The following TRIM5 variants were observed in gnomAD, a reference collection of about 807,000 sequenced individuals.
TRIM5 encodes tripartite motif-containing protein 5.
In TRIM5, 31 loss-of-function variants were observed where a neutral mutation model predicts 35.6. That is an observed-to-expected ratio of 0.87 (90% CI 0.65 to 1.18). TRIM5 has a LOEUF of 1.18. TRIM5 is among the 50% of genes most tolerant of loss of function. TRIM5 has a pLI of 0.00. For missense variants in TRIM5, 609 were observed against 591.6 expected, an observed-to-expected ratio of 1.03 and a Z score of -0.31; for synonymous variants, 243 against 215.6, an observed-to-expected ratio of 1.13 and a Z score of -1.11.
chr11:5,657,266 A>G, the TRIM5 span, among the ~76,000 whole-genome samples: 1 of 152,016 alleles, frequency 6.6e-6, no homozygotes, highest in Admixed American at 6.6e-5. Flanking sequence ...AACAATGTGA[A>G]CACATGGACA....
chr11:5,682,703 C>A (rs888013495), intron 1 of TRIM5, among the ~76,000 whole-genome samples: 6 of 152,142 alleles, frequency 3.9e-5, no homozygotes, highest in Admixed American at 2.0e-4. Context: ...TGTTAAGTTA[C>A]CCCCTCCCCC....
the TRIM5 span, chr11:5,588,972 G>A: frequency 6.6e-6 from 1 of 151,906 alleles, no homozygotes; most frequent in Non-Finnish European, 1.5e-5. Context: ...TTTTAGTAGA[G>A]GCAGGGTTTC....
At chr11:5,646,382 T>C in the TRIM5 span, among the ~76,000 whole-genome samples, 1 of 152,012 alleles carries the variant, frequency 6.6e-6, no homozygotes, top group South Asian at 2.1e-4. Context: ...CATGAAACAG[T>C]CTCTTGGTTA....
the TRIM5 span, among the ~76,000 whole-genome samples, chr11:5,649,514 C>CCTTGATAGT: frequency 3.3e-5 from 5 of 152,202 alleles, no homozygotes; most frequent in Non-Finnish European, 5.9e-5. Flanking sequence ...TTCTAAGTGT[C>CCTTGATAGT]CTTGATAGTC....
chr11:5,620,538 C>T, the TRIM5 span, among the ~76,000 whole-genome samples: 1 of 152,130 alleles, frequency 6.6e-6, no homozygotes, highest in Non-Finnish European at 1.5e-5. Flanking sequence ...AGTAATGAGT[C>T]TCAAGCTCTT....
rs1055487494 is a variant in TRIM5, at chr11:5,679,135, T to C, written c.452A>G (p.Gln151Arg). 51 of 1,614,008 alleles carry C rather than the reference T, an allele frequency of 3.2e-5. No homozygotes were observed. Among genetic ancestry groups the C allele is most frequent in the Non-Finnish European group, 4.1e-5 (48 of 1,179,988 alleles). The change falls in exon 3 of 8, where the codon CAG becomes CGG. Residue 151 changes from glutamine to arginine, a missense_variant. Coordinates refer to ENST00000380034, the MANE Select transcript of TRIM5 (RefSeq NM_033034.3). ...KLQAALEMLR[Q>R]KQQEAEELEA... The stretch of plus-strand genomic sequence containing the variant: ...TAACTCTTCAGCTTCCTGCTGCTTC[T>C]GCCTCAGCATCTCCAGAGCTGCCTG...
the TRIM5 span, among the ~76,000 whole-genome samples, chr11:5,651,170 C>T: frequency 9.2e-5 from 14 of 152,190 alleles, no homozygotes; most frequent in Admixed American, 9.2e-4. Context: ...CAACAATTTC[C>T]TTTTCACTTT....
chr11:5,661,041 C>CAAAAAAAAAAAAAAAAAAAA (rs61394016), downstream of TRIM5, among the ~76,000 whole-genome samples: 2 of 37,142 alleles, frequency 5.4e-5, no homozygotes, highest in South Asian at 1.6e-3. Flanking sequence ...GACTCCGTCT[C>CAAAAAAAAAAAAAAAAAAAA]AAAAAAAAAA....
the TRIM5 span, among the ~76,000 whole-genome samples, chr11:5,593,375 C>G: frequency 6.6e-6 from 1 of 152,174 alleles, no homozygotes; most frequent in East Asian, 1.9e-4. Context: ...CAGGAATCAT[C>G]TAACACTGCT....
chr11:5,598,702 G>T, the TRIM5 span, among the ~76,000 whole-genome samples: 96,628 of 152,104 alleles, frequency 0.64, 30,901 homozygotes, highest in Middle Eastern at 0.78. Flanking sequence ...AAATGCTCAA[G>T]AGCCATATCT....
the TRIM5 span, among the ~76,000 whole-genome samples, chr11:5,615,579 T>G: frequency 2.0e-3 from 194 of 98,524 alleles, 4 homozygotes; most frequent in South Asian, 0.049. Context: ...TGTTTTTTGT[T>G]TTTTTTTTGT....
the TRIM5 span, chr11:5,610,788 C>A: frequency 0.035 from 55,936 of 1,613,956 alleles, 1,332 homozygotes; most frequent in South Asian, 0.066. Context: ...TGACGTGACC[C>A]TGAATCCACA....
chr11:5,641,331 C>A, the TRIM5 span: 12 of 1,532,750 alleles, frequency 7.8e-6, no homozygotes, highest in South Asian at 1.5e-4. Context: ...ATTGCTGGTC[C>A]CCGATGAGTA....
chr11:5,634,755 A>G, the TRIM5 span: 10 of 1,614,144 alleles, frequency 6.2e-6, no homozygotes, highest in Non-Finnish European at 8.5e-6. Context: ...ACGCTGGATA[A>G]GTTTGCAGAG....
At chr11:5,649,962 G>C in the TRIM5 span, among the ~76,000 whole-genome samples, 2 of 152,212 alleles carry the variant, frequency 1.3e-5, no homozygotes, top group African/African-American at 4.8e-5. Flanking sequence ...AGCTGCTCAG[G>C]ATGATGGGGA....
chr11:5,611,464 TC>T, the TRIM5 span: 1 of 953,114 alleles, frequency 1.0e-6, no homozygotes, highest in Non-Finnish European at 1.6e-6. Flanking sequence ...GGTTTTTGAA[TC>T]TTTTTTGAGA....
chr11:5,608,847 A>ATTTTTTTTTTTTTT, the TRIM5 span, among the ~76,000 whole-genome samples: 9 of 101,900 alleles, frequency 8.8e-5, 1 homozygote, highest in East Asian at 3.3e-4. Context: ...TTGCCCATAA[A>ATTTTTTTTTTTTTT]TTTTTTTTTT....
intron 1 of TRIM5, among the ~76,000 whole-genome samples, chr11:5,684,510 C>G (rs1283717688): frequency 6.6e-6 from 1 of 152,208 alleles, no homozygotes; most frequent in South Asian, 2.1e-4. Context: ...GAGAACTGAC[C>G]TGTAGAGTTA....
intron 4 of TRIM5, among the ~76,000 whole-genome samples, chr11:5,676,912 G>C (rs1257324680): frequency 8.6e-5 from 13 of 150,454 alleles, no homozygotes; most frequent in African/African-American, 2.4e-4. Flanking sequence ...GTAGAAAGCT[G>C]AAACTGGATC....
Sources: gnomAD v4.1 joint callset for allele counts (sites outside exome capture counted in the v4.1 genomes callset) on GRCh38, gnomAD v4.1.1 for gene constraint, MANE v1.5 for transcripts, NCBI Gene and HGNC (gene_info 2026-07-23, HGNC 2026-07-21) for gene names.